The following MTSS2 variants were observed in gnomAD, a reference collection of about 807,000 sequenced individuals.
MTSS2 encodes protein MTSS 2.
Under a neutral mutation model 67.1 loss-of-function variants are expected in MTSS2, and 27 were observed. The observed-to-expected ratio is 0.40, with a 90% CI of 0.30 to 0.55. The LOEUF is 0.55. Ranked by LOEUF, MTSS2 falls within the 20% of genes least tolerant of loss-of-function variation. The pLI is 0.43. For synonymous variants in MTSS2, 624 were observed against 468.6 expected (o/e 1.33, Z -4.28); for missense variants, 1,171 against 1,067.8 (o/e 1.10, Z -1.35).
Position 70,663,713 on chromosome 16 carries a change from G to T in MTSS2, c.2208C>A (p.Thr736=), listed in dbSNP as rs771837648. Residue 736 remains threonine, a synonymous_variant, in exon 15 of 15, where the codon ACC becomes ACA. Transcript: ENST00000338779. The part of the protein sequence containing the change: ...AIRRGVRLRR[T]VTNDRSAPRI... ...GGGGCGCCGACCTGTCGTTGGTGAC[G>T]GTCCTGCGGAGCCGGACCCCACGCC... 3 of 1,587,004 alleles carry T rather than the reference G, an allele frequency of 1.9e-6. 1 individual carries two copies. In the East Asian group the frequency reaches 6.9e-5, roughly 36 times the overall value.
At chr16:70,665,121 G>T in intron 12 of MTSS2, 25 bp from the exon 13 acceptor site, 1 of 1,577,420 alleles carries the variant, frequency 6.3e-7, no homozygotes, top group South Asian at 1.1e-5. Context: ...TGGCAGGTCA[G>T]GGGGACCACT....
chr16:70,672,886 C>T (rs941193026), intron 11 of MTSS2, among the ~76,000 whole-genome samples: 4 of 151,956 alleles, frequency 2.6e-5, no homozygotes, highest in Non-Finnish European at 5.9e-5. Flanking sequence ...ACTGGCTGGG[C>T]GCGGTTGCTC....
Position 70,662,241 on chromosome 16 carries a change from G to C in MTSS2, c.*1436C>G, listed in dbSNP as rs987691609. 2 of 152,304 alleles carry C rather than the reference G, an allele frequency of 1.3e-5. No individual in the cohort carries two copies. Among genetic ancestry groups the C allele is most frequent in the Non-Finnish European group, 2.9e-5 (2 of 68,182 alleles). The allele number at this position is 152,304 out of a possible 1,614,324, so 9.4% of individuals were successfully genotyped here. ...CCAAGGTGCTCCTGACCCCCAGGTA[G>C]GACCCTGCCCTGGGGCCACGATGCC... is the stretch of plus-strand genomic sequence containing the variant. On this transcript the variant is annotated 3_prime_UTR_variant, in exon 15 of 15. Transcript: ENST00000338779.
chr16:70,675,590 T>C (rs1257200976), intron 10 of MTSS2, among the ~76,000 whole-genome samples: 1 of 152,224 alleles, frequency 6.6e-6, no homozygotes, highest in African/African-American at 2.4e-5. Context: ...AATTTTTTTG[T>C]ATTTTTTAGT....
intron 11 of MTSS2, among the ~76,000 whole-genome samples, chr16:70,671,332 G>A (rs2052929422): frequency 6.6e-6 from 1 of 151,528 alleles, no homozygotes; most frequent in African/African-American, 2.4e-5. Context: ...GAACCTGGGA[G>A]GCAGAGGTTG....
At position 70,679,718 on chromosome 16, in the gene MTSS2, G is replaced by A; in HGVS notation, c.383-14C>T. On this transcript the variant is annotated splice_polypyrimidine_tract_variant and intron_variant, in intron 5 of 14. Transcript: ENST00000338779. Reference sequence around the variant, plus strand: ...CTCGTTTGTACTCTGCAGAAGGGGAGAGCGGAGCGCTCTAATGGGGTCCCT... The same window carrying A: ...CTCGTTTGTACTCTGCAGAAGGGGAAAGCGGAGCGCTCTAATGGGGTCCCT... The A allele has an allele frequency of 6.2e-7, 1 of 1,610,830 alleles. No homozygotes were observed. The highest frequency in any genetic ancestry group is 8.5e-7 in the Non-Finnish European group (1 of 1,178,648).
rs920672586 is a variant in MTSS2 at position 70,662,454 on chromosome 16, G to GCAT, written c.*1220_*1222dup. On this transcript the variant is annotated 3_prime_UTR_variant, in exon 15 of 15. Transcript: ENST00000338779. ...CTACAGTGGGGGCCGTGCTGGGATGGCATCTCCTCCGGCAACAGAGAGTCA... is the reference window on the plus strand; with the variant it reads ...CTACAGTGGGGGCCGTGCTGGGATGGCATCATCTCCTCCGGCAACAGAGAGTCA... The GCAT allele has an allele frequency of 6.6e-5, 10 of 152,306 alleles. No homozygotes were observed. Among genetic ancestry groups the GCAT allele is most frequent in the African/African-American group, 2.4e-4 (10 of 41,456 alleles). 9.4% of individuals were successfully genotyped at this position (152,306 alleles called of 1,614,324 possible). A position where few individuals can be genotyped will look rare whatever the true frequency, so the allele number is the denominator to read the frequency against.
rs1157957446 is a variant in MTSS2, at chr16:70,664,666, T to G, written c.1403A>C (p.Gln468Pro). Residue 468 changes from glutamine (Q) to proline (P), a missense_variant, in exon 14 of 15, where the codon CAG becomes CCG. Coordinates refer to ENST00000338779, the MANE Select transcript of MTSS2 (RefSeq NM_138383.3). ...EHQKSSRDSL[Q>P]YSSGYSTQTT... ...CTGCGTGCTGTAGCCGCTGGAGTAC[T>G]GCAGCGAGTCCCGGCTGCTCTTCTG... The G allele has an allele frequency of 1.2e-6, 2 of 1,613,460 alleles. No homozygotes were observed. The highest frequency in any genetic ancestry group is 1.7e-6 in the Non-Finnish European group (2 of 1,179,922).
At chr16:70,664,793 T>G (rs1004331585) in intron 13 of MTSS2, 30 bp from the exon 14 acceptor site, 21 of 1,579,824 alleles carry the variant, frequency 1.3e-5, no homozygotes, top group African/African-American at 5.4e-5. Context: ...GGCTGAAGCC[T>G]TGCGCCCCCA....
At position 70,662,464 on chromosome 16, in the gene MTSS2, C is replaced by T. The variant is rs3752785; in HGVS notation, c.*1213G>A. ...GGCCGTGCTGGGATGGCATCTCCTCCGGCAACAGAGAGTCAAAGCCAATCT... is the reference window on the plus strand; with the variant it reads ...GGCCGTGCTGGGATGGCATCTCCTCTGGCAACAGAGAGTCAAAGCCAATCT... On this transcript the variant is annotated 3_prime_UTR_variant, in exon 15 of 15. Coordinates refer to ENST00000338779, the MANE Select transcript of MTSS2 (RefSeq NM_138383.3). 92,007 of 152,196 alleles carry T rather than the reference C, an allele frequency of 0.6. 28,194 individuals carry two copies. Among genetic ancestry groups the T allele is most frequent in the Non-Finnish European group, 0.65 (44,528 of 68,052 alleles). The allele number at this position is 152,196 out of a possible 1,614,324, so 9.4% of individuals were successfully genotyped here. A position where few individuals can be genotyped will look rare whatever the true frequency, so the allele number is the denominator to read the frequency against.
chr16:70,664,596 G>C lies in MTSS2; in HGVS notation c.1471+2C>G. The C allele has an allele frequency of 6.2e-7, 1 of 1,611,918 alleles. No individual in the cohort carries two copies. Among genetic ancestry groups the C allele is most frequent in the Non-Finnish European group, 8.5e-7 (1 of 1,179,210 alleles). On this transcript the variant is annotated splice_donor_variant, in intron 14 of 14. Coordinates refer to ENST00000338779, the MANE Select transcript of MTSS2 (RefSeq NM_138383.3). LOFTEE classifies it high-confidence loss of function. ...GGTCCCACCCCAGCCCCGCGGGCCTGCCTTGGGAGGGGATGGTGTCCTCAG... is the reference window on the plus strand; with the variant it reads ...GGTCCCACCCCAGCCCCGCGGGCCTCCCTTGGGAGGGGATGGTGTCCTCAG...
chr16:70,673,183 C>CAA (rs969302002), intron 11 of MTSS2, among the ~76,000 whole-genome samples: 2 of 151,924 alleles, frequency 1.3e-5, no homozygotes, highest in African/African-American at 4.8e-5. Context: ...CAAAACAAAA[C>CAA]AAAATGAAAT....
intron 11 of MTSS2, among the ~76,000 whole-genome samples, chr16:70,666,753 A>AAACTC (rs2052728860): frequency 6.6e-6 from 1 of 152,236 alleles, no homozygotes; most frequent in Non-Finnish European, 1.5e-5. Flanking sequence ...AGTATTTGGA[A>AAACTC]AACTCAGTGA....
chr16:70,664,605 G>C lies in MTSS2; in HGVS notation c.1464C>G (p.Pro488=). The change falls in exon 14 of 15, where the codon CCC becomes CCG. Residue 488 remains proline, a synonymous_variant. Coordinates refer to ENST00000338779, the MANE Select transcript of MTSS2 (RefSeq NM_138383.3). ...CCAGCCCCGCGGGCCTGCCTTGGGA[G>C]GGGATGGTGTCCTCAGAGCAGGAGG... is the stretch of plus-strand genomic sequence containing the variant. The part of the protein sequence containing the change: ...TTPSCSEDTI[P]SQGSDYDCYS... 1 of 1,612,364 alleles carries C rather than the reference G, an allele frequency of 6.2e-7. No individual in the cohort carries two copies. Among genetic ancestry groups the C allele is most frequent in the Non-Finnish European group, 8.5e-7 (1 of 1,179,426 alleles).
rs2053050984 is a variant in MTSS2 at position 70,674,497 on chromosome 16, C to CA, written c.861dup (p.Gly288TrpfsTer40). ...GCACCCCCAGGCCATGGGGCTCCGC[C>CA]ACCCTTGGCACTGCTACTGCTGCTG... On this transcript the variant is annotated frameshift_variant, in exon 11 of 15. Transcript: ENST00000338779. LOFTEE classifies it high-confidence loss of function. 1 of 1,613,698 alleles carries CA rather than the reference C, an allele frequency of 6.2e-7. No individual in the cohort carries two copies. Among genetic ancestry groups the CA allele is most frequent in the Non-Finnish European group, 8.5e-7 (1 of 1,180,010 alleles).
chr16:70,675,720 C>T (rs1160599218), intron 10 of MTSS2, among the ~76,000 whole-genome samples: 1 of 152,178 alleles, frequency 6.6e-6, no homozygotes, highest in Non-Finnish European at 1.5e-5. Flanking sequence ...CCGGTGAGTC[C>T]AATCATTCCT....
intron 11 of MTSS2, 86 bp downstream of exon 11, chr16:70,674,207 GTAGTCTCAACAGC>G (rs1296614726): frequency 1.7e-5 from 3 of 180,762 alleles, no homozygotes; most frequent in African/African-American, 2.2e-4. Flanking sequence ...AACAGCTATA[GTAGTCTCAACAGC>G]TATAGTAGTC....
rs1220169848 is a variant in MTSS2, at chr16:70,664,319, C to G, written c.1602G>C (p.Lys534Asn). The G allele has an allele frequency of 1.3e-6, 2 of 1,593,612 alleles. No individual in the cohort carries two copies. The highest frequency in any genetic ancestry group is 2.3e-5 in the South Asian group (2 of 87,982). Residue 534 changes from lysine (K) to asparagine (N), a missense_variant, in exon 15 of 15, where the codon AAG becomes AAC. Physicochemically the swap from Lys to Asn is moderately conservative, Grantham distance 94. Transcript: ENST00000338779. ...GCAGCCCAGCAGTGGAGGCTGGGCGCTTGGTCTGGATCAGGCGGCGGTAGT... is the reference window on the plus strand; with the variant it reads ...GCAGCCCAGCAGTGGAGGCTGGGCGGTTGGTCTGGATCAGGCGGCGGTAGT... ...AQNYRRLIQT[K>N]RPASTAGLPT...
rs575292702 is a variant in MTSS2, at chr16:70,661,639, G to A, written c.*2038C>T. The A allele has an allele frequency of 1.8e-5, 6 of 339,444 alleles. No homozygotes were observed. Among genetic ancestry groups the A allele is most frequent in the East Asian group, 8.4e-5 (1 of 11,922 alleles). 21.0% of individuals were successfully genotyped at this position (339,444 alleles called of 1,614,324 possible). Reference sequence around the variant, plus strand: ...GTGGTTGCTAAGTCGACGCAAGGGCGGCGGGGGTGGTCTCAGGGATGGACA... The same window carrying A: ...GTGGTTGCTAAGTCGACGCAAGGGCAGCGGGGGTGGTCTCAGGGATGGACA... On this transcript the variant is annotated 3_prime_UTR_variant, in exon 15 of 15. Coordinates refer to ENST00000338779, the MANE Select transcript of MTSS2 (RefSeq NM_138383.3).
Sources: allele counts gnomAD v4.1 joint callset (sites outside exome capture counted in the v4.1 genomes callset), GRCh38; gene constraint gnomAD v4.1.1; transcripts MANE v1.5; gene names NCBI Gene and HGNC (gene_info 2026-07-23, HGNC 2026-07-21).